The following ABCB1 variants were observed in gnomAD, a reference collection of about 807,000 sequenced individuals.
ABCB1 encodes ATP-dependent translocase ABCB1.
ABCB1 carries 69 observed loss-of-function variants against 142.0 expected under a neutral mutation model. The observed-to-expected ratio is 0.49, with a 90% confidence interval of 0.40 to 0.59. The LOEUF (loss-of-function observed/expected upper bound fraction) is 0.59, where lower values mean the gene tolerates loss of function less well. Among genes scored for constraint, ABCB1 ranks in the 20% least tolerant of loss-of-function variants. The pLI is 0.00. For synonymous variants in ABCB1, 532 were observed against 539.2 expected (o/e 0.99, Z 0.18); for missense variants, 1,326 against 1,554.7 (o/e 0.85, Z 2.47).
intron 8 of ABCB1, among the ~76,000 whole-genome samples, chr7:87,556,401 A>G (rs1325193849): frequency 6.6e-6 from 1 of 152,202 alleles, no homozygotes; most frequent in Non-Finnish European, 1.5e-5. Flanking sequence ...ATTTATTTTA[A>G]CTTCTGGTTA....
chr7:87,678,265 C>A (rs1264020203), intron 1 of ABCB1, among the ~76,000 whole-genome samples: 1 of 152,160 alleles, frequency 6.6e-6, no homozygotes, highest in Non-Finnish European at 1.5e-5. Context: ...TGACTCTACT[C>A]TTGAAAGCAA....
intron 1 of ABCB1, chr7:87,628,584 C>CGTGTGTGTGTGTGTGTGTGTGTGTGTGT: frequency 3.6e-6 from 1 of 278,498 alleles, no homozygotes; most frequent in East Asian, 5.8e-5. Flanking sequence ...TGCGTGCGTG[C>CGTGTGTGTGTGTGTGTGTGTGTGTGTGT]GTGTGTGTGT....
intron 4 of ABCB1, among the ~76,000 whole-genome samples, chr7:87,572,754 G>A (rs1818101152): frequency 1.3e-5 from 2 of 152,188 alleles, no homozygotes; most frequent in African/African-American, 4.8e-5. Context: ...GCAGGGACAG[G>A]GAGGGGGCTG....
intron 1 of ABCB1, among the ~76,000 whole-genome samples, chr7:87,704,511 T>TG (rs1829419555): frequency 6.6e-6 from 1 of 152,220 alleles, no homozygotes; most frequent in African/African-American, 2.4e-5. Flanking sequence ...ATGTAGCATT[T>TG]GGACCTGGGT....
At position 87,610,131 on chromosome 7, in the gene ABCB1, T is replaced by G. The variant is rs1200179394; in HGVS notation, c.-330-9053A>C. Among the ~76,000 whole-genome samples the G allele has an allele frequency of 2.6e-5, 4 of 152,264 alleles. No individual in the cohort carries two copies. The East Asian group carries it at 5.8e-4, about 22-fold the overall frequency. ...CTGCCAAATATTTGACTGTATTGTC[T>G]CTACTGTTTGAATAATATGCCCTGA... is the stretch of plus-strand genomic sequence containing the variant. On this transcript the variant is annotated intron_variant, in intron 1 of 28. Coordinates refer to the ABCB1 transcript ENST00000265724.
chr7:87,693,190 G>A (rs997814301), intron 1 of ABCB1, among the ~76,000 whole-genome samples: 7 of 152,126 alleles, frequency 4.6e-5, no homozygotes, highest in African/African-American at 9.7e-5. Flanking sequence ...GAAAAATATA[G>A]CAGAAATTTC....
chr7:87,531,259 T>C, intron 21 of ABCB1, 35 bp downstream of exon 21: 2 of 1,546,568 alleles, frequency 1.3e-6, no homozygotes, highest in Non-Finnish European at 1.8e-6. Context: ...TACTTTACTC[T>C]ACTTAATTAA....
Position 87,585,532 on chromosome 7 carries a change from A to G in ABCB1, c.266T>C (p.Met89Thr), listed in dbSNP as rs35810889. The change falls in exon 4 of 28, where the codon ATG (methionine) becomes ACG (threonine). Residue 89 changes from methionine (M) to threonine (T), a missense_variant. Physicochemically the swap from Met to Thr is moderately conservative, Grantham distance 81. Transcript: ENST00000622132. ...FANAGNLEDL[M>T]SNITNRSDIN... ...CTTACTTCTATTAGTGATGTTTGACATCAGATCTTCTAAATTTCCTGCATT... is the reference window on the plus strand; with the variant it reads ...CTTACTTCTATTAGTGATGTTTGACGTCAGATCTTCTAAATTTCCTGCATT... 2.1e-4 allele frequency: 336 copies of G among 1,613,706 alleles called. No individual in the cohort carries two copies. The highest frequency in any genetic ancestry group is 2.7e-4 in the Admixed American group (16 of 59,986).
At chr7:87,698,779 A>T (rs1050698183) in intron 1 of ABCB1, among the ~76,000 whole-genome samples, 1 of 152,214 alleles carries the variant, frequency 6.6e-6, no homozygotes, top group Non-Finnish European at 1.5e-5. Context: ...ATAATCAAGT[A>T]AAGAAATACT....
chr7:87,600,188 G>A lies in ABCB1; in HGVS notation c.-4C>T, dbSNP rs34834348. 311 of 1,613,694 alleles carry A rather than the reference G, an allele frequency of 1.9e-4. 1 individual carries two copies. The African/African-American group carries it at 3.8e-3, about 20-fold the overall frequency. ...TGCGGTCCCCTTCAAGATCCATTCC[G>A]ACCTGAAGAGAAACCGCAGCTCATT... On this transcript the variant is annotated splice_region_variant and 5_prime_UTR_variant, in exon 2 of 28. Transcript: ENST00000622132.
At chr7:87,657,416 C>A (rs1824216379) in intron 1 of ABCB1, among the ~76,000 whole-genome samples, 1 of 152,152 alleles carries the variant, frequency 6.6e-6, no homozygotes, top group Non-Finnish European at 1.5e-5. Flanking sequence ...CACAAAAAAA[C>A]CGTAGTACCA....
At chr7:87,688,217 G>A (rs1432345258) in intron 1 of ABCB1, among the ~76,000 whole-genome samples, 2 of 151,988 alleles carry the variant, frequency 1.3e-5, no homozygotes, top group South Asian at 2.1e-4. Context: ...CGAAGCATCC[G>A]GGGTTATGTA....
chr7:87,649,690 G>T (rs1048795820), intron 1 of ABCB1, among the ~76,000 whole-genome samples: 3 of 152,122 alleles, frequency 2.0e-5, no homozygotes, highest in Non-Finnish European at 2.9e-5. Flanking sequence ...AATTTTGGAT[G>T]TTGAAATGGT....
At chr7:87,528,630 G>A (rs1815901070) in intron 21 of ABCB1, among the ~76,000 whole-genome samples, 1 of 152,148 alleles carries the variant, frequency 6.6e-6, no homozygotes, top group South Asian at 2.1e-4. Flanking sequence ...CAGATCACAG[G>A]CAGGGTAGAG....
At chr7:87,522,244 G>A in intron 21 of ABCB1, 2 of 1,036,296 alleles carry the variant, frequency 1.9e-6, no homozygotes, top group Non-Finnish European at 1.5e-6. Flanking sequence ...AATGATTTTG[G>A]CAATTACAAC....
At chr7:87,596,322 A>G (rs370277909) in intron 2 of ABCB1, among the ~76,000 whole-genome samples, 1 of 152,084 alleles carries the variant, frequency 6.6e-6, no homozygotes, top group Non-Finnish European at 1.5e-5. Context: ...GCTGGGCATA[A>G]CTAGCCTCAG....
chr7:87,612,270 G>A (rs1231557858), intron 1 of ABCB1, among the ~76,000 whole-genome samples: 1 of 152,016 alleles, frequency 6.6e-6, no homozygotes, highest in Non-Finnish European at 1.5e-5. Flanking sequence ...GTTTAATTAG[G>A]TACAATTTAT....
Position 87,576,593 on chromosome 7 carries a change from G to A in ABCB1, c.287-6370C>T, listed in dbSNP as rs1818283231. Among the ~76,000 whole-genome samples the A allele has an allele frequency of 2.0e-5, 3 of 151,782 alleles. No homozygotes were observed. The South Asian group carries it at 6.2e-4, about 31-fold the overall frequency. On this transcript the variant is annotated intron_variant, in intron 4 of 27. Transcript: ENST00000622132. ...AAATGTTCAATGAGGGTTGGCTTCA[G>A]TTATTGCTAACAGTTGAGTTCTTCC...
Position 87,683,916 on chromosome 7 carries a change from A to G in ABCB1, c.-331+29245T>C, listed in dbSNP as rs1036494352. Among the ~76,000 whole-genome samples the G allele has an allele frequency of 2.6e-5, 4 of 152,240 alleles. No homozygotes were observed. In the East Asian group the frequency reaches 7.7e-4, roughly 29 times the overall value. Reference sequence around the variant, plus strand: ...AAGAAATGACTGTACATACCAGTACACCTCATGGACACAGACATCAGAATC... The same window carrying G: ...AAGAAATGACTGTACATACCAGTACGCCTCATGGACACAGACATCAGAATC... On this transcript the variant is annotated intron_variant, in intron 1 of 28. Coordinates refer to the ABCB1 transcript ENST00000265724.
Sources: allele counts gnomAD v4.1 joint callset (sites outside exome capture counted in the v4.1 genomes callset), GRCh38; gene constraint gnomAD v4.1.1; transcripts MANE v1.5; gene names NCBI Gene and HGNC (gene_info 2026-07-23, HGNC 2026-07-21).